PIP5K1B: variants seen among roughly 807,000 people sequenced by gnomAD.
The protein encoded by PIP5K1B is phosphatidylinositol-4-phosphate 5-kinase type 1 beta, also known as phosphatidylinositol 4-phosphate 5-kinase type-1 beta.
PIP5K1B carries 42 observed loss-of-function variants against 67.0 expected under a neutral mutation model. That is an observed-to-expected ratio of 0.63 (90% CI 0.49 to 0.81). The LOEUF is 0.81. PIP5K1B is among the 30% of genes least tolerant of loss of function. The pLI is 0.00. For synonymous variants in PIP5K1B, 214 were observed against 231.4 expected, an observed-to-expected ratio of 0.92 and a Z score of 0.68; for missense variants, 459 against 646.3, an observed-to-expected ratio of 0.71 and a Z score of 3.14.
intron 1 of PIP5K1B, among the ~76,000 whole-genome samples, chr9:68,727,097 T>C (rs1201534379): frequency 1.3e-5 from 2 of 152,158 alleles, no homozygotes; most frequent in Non-Finnish European, 2.9e-5. Flanking sequence ...CTTTAGTACT[T>C]AACGTTGCAA....
At chr9:68,795,797 A>C (rs988852914) in intron 2 of PIP5K1B, among the ~76,000 whole-genome samples, 3 of 152,214 alleles carry the variant, frequency 2.0e-5, no homozygotes, top group African/African-American at 7.2e-5. Context: ...TCATATTTTC[A>C]TAGAGAATTC....
intron 14 of PIP5K1B, among the ~76,000 whole-genome samples, chr9:68,943,574 A>G (rs981371527): frequency 6.6e-6 from 1 of 152,168 alleles, no homozygotes; most frequent in African/African-American, 2.4e-5. Flanking sequence ...CTATGTGGCA[A>G]TAAATAGACA....
chr9:68,791,982 T>C (rs1421504238), intron 2 of PIP5K1B, among the ~76,000 whole-genome samples: 1 of 152,172 alleles, frequency 6.6e-6, no homozygotes, highest in African/African-American at 2.4e-5. Context: ...ATCTTCTTCC[T>C]CCTTCCTCCA....
intron 2 of PIP5K1B, among the ~76,000 whole-genome samples, chr9:68,808,389 C>G (rs1018996544): frequency 1.3e-5 from 2 of 152,002 alleles, no homozygotes; most frequent in Admixed American, 1.3e-4. Context: ...CTAATTACTC[C>G]CCCCGACTCC....
chr9:68,952,406 C>T (rs922846681), intron 14 of PIP5K1B, among the ~76,000 whole-genome samples: 7 of 152,182 alleles, frequency 4.6e-5, no homozygotes, highest in Admixed American at 3.3e-4. Context: ...CCTCTCTGCT[C>T]CATCATTCTG....
intron 8 of PIP5K1B, among the ~76,000 whole-genome samples, chr9:68,914,696 C>T (rs185207164): frequency 6.6e-6 from 1 of 151,856 alleles, no homozygotes; most frequent in African/African-American, 2.4e-5. Context: ...GCCTGGGCAA[C>T]AGAGCAAGAC....
At chr9:68,919,429 C>A in intron 9 of PIP5K1B, 50 bp from the exon 10 acceptor site, 1 of 892,370 alleles carries the variant, frequency 1.1e-6, no homozygotes, top group Non-Finnish European at 1.7e-6. Flanking sequence ...TTTTAACTTC[C>A]TATTCTTATA....
chr9:68,737,939 C>G lies in PIP5K1B; in HGVS notation c.-242-4562C>G, dbSNP rs1006823463. The stretch of plus-strand genomic sequence containing the variant: ...ACATCAAAGCATTTGACAAATATCT[C>G]TCACCGGTCTCCTTACGCACATAAT... On this transcript the variant is annotated intron_variant, in intron 1 of 15. Transcript: ENST00000265382. Among the ~76,000 whole-genome samples the G allele has an allele frequency of 2.0e-5, 3 of 152,146 alleles. No individual in the cohort carries two copies. In the East Asian group the frequency reaches 5.8e-4, roughly 29 times the overall value.
At chr9:68,980,633 T>C (rs1187465523) in intron 14 of PIP5K1B, among the ~76,000 whole-genome samples, 1 of 152,184 alleles carries the variant, frequency 6.6e-6, no homozygotes, top group African/African-American at 2.4e-5. Context: ...TTGCTGGCCT[T>C]GTGAGATGGG....
At position 68,708,312 on chromosome 9, in the gene PIP5K1B, G is replaced by A. The variant is rs1217405138; in HGVS notation, c.-243+2550G>A. ...AATAGCTGTTGAATTAATGAAGGGG[G>A]TGAATGAAGTCATTCATAAGGAAAA... On this transcript the variant is annotated intron_variant, in intron 1 of 15. Transcript: ENST00000265382. 2.6e-5 allele frequency among the ~76,000 whole-genome samples: 4 copies of A among 152,118 alleles called. No individual in the cohort carries two copies. In the East Asian group the frequency reaches 7.7e-4, roughly 29 times the overall value.
At chr9:68,851,264 C>A (rs1284516476) in intron 4 of PIP5K1B, among the ~76,000 whole-genome samples, 1 of 152,136 alleles carries the variant, frequency 6.6e-6, no homozygotes, top group Non-Finnish European at 1.5e-5. Flanking sequence ...ATACTGGGAT[C>A]TTGTTAAAAG....
In PIP5K1B at chr9:69,004,449, C is replaced by T. The variant is rs551920919; in HGVS notation, c.1621-3998C>T. 4.2e-4 allele frequency among the ~76,000 whole-genome samples: 64 copies of T among 152,076 alleles called. No individual in the cohort carries two copies. The South Asian group carries it at 9.3e-3, about 22-fold the overall frequency. ...CTGAGCTCCTCTGCCAAAGCACCAG[C>T]ACTGAGAGGGAGGAACTTCACCACA... is the stretch of plus-strand genomic sequence containing the variant. On this transcript the variant is annotated intron_variant, in intron 15 of 15. Coordinates refer to ENST00000265382, the MANE Select transcript of PIP5K1B (RefSeq NM_003558.4).
In PIP5K1B at chr9:68,944,148, G is replaced by A. The variant is rs560743625; in HGVS notation, c.1502+3358G>A. 4.6e-5 allele frequency among the ~76,000 whole-genome samples: 7 copies of A among 152,276 alleles called. No homozygotes were observed. The East Asian group carries it at 1.4e-3, about 29-fold the overall frequency. On this transcript the variant is annotated intron_variant, in intron 14 of 15. Transcript: ENST00000265382. The stretch of plus-strand genomic sequence containing the variant: ...GTGCAGTCTTGTGTTAGAGCATGCA[G>A]ATCATAGGAATAAAGAGAAACTGTC...
At chr9:68,803,651 C>G (rs1170665496) in intron 2 of PIP5K1B, among the ~76,000 whole-genome samples, 5 of 152,240 alleles carry the variant, frequency 3.3e-5, no homozygotes, top group African/African-American at 1.2e-4. Flanking sequence ...TAACAAGTCT[C>G]TCTGGATGTA....
At chr9:68,783,652 C>T (rs534212678) in intron 2 of PIP5K1B, 12 of 167,132 alleles carry the variant, frequency 7.2e-5, no homozygotes, top group African/African-American at 2.6e-4. Flanking sequence ...CTAATCATTC[C>T]TCAAGTCTTA....
intron 12 of PIP5K1B, among the ~76,000 whole-genome samples, chr9:68,924,401 C>CA (rs71353093): frequency 0.073 from 6,321 of 86,470 alleles, 274 homozygotes; most frequent in East Asian, 0.18. Flanking sequence ...CACTGCGCCT[C>CA]AAAAAAAAAA....
intron 5 of PIP5K1B, among the ~76,000 whole-genome samples, chr9:68,868,990 A>T (rs1454217390): frequency 6.6e-6 from 1 of 152,260 alleles, no homozygotes; most frequent in Admixed American, 6.5e-5. Context: ...ATTATCCTAA[A>T]TGATAAGCAA....
In PIP5K1B at chr9:68,719,240, T is replaced by C. The variant is rs149860751; in HGVS notation, c.-243+13478T>C. ...TATTATGGTCTAAAGCAGGATTTCA[T>C]AGACTTTTTCATTTAAGTTAAACAT... On this transcript the variant is annotated intron_variant, in intron 1 of 15. Transcript: ENST00000265382. Among the ~76,000 whole-genome samples, 1,307 of 152,326 alleles carry C rather than the reference T, an allele frequency of 8.6e-3. 21 individuals carry two copies. The highest frequency in any genetic ancestry group is 0.03 in the African/African-American group (1,240 of 41,572).
chr9:68,729,546 T>A (rs1223279995), intron 1 of PIP5K1B, among the ~76,000 whole-genome samples: 1 of 152,172 alleles, frequency 6.6e-6, no homozygotes, highest in African/African-American at 2.4e-5. Context: ...AGGGAACATA[T>A]CTATATCTAT....
Sources: gnomAD v4.1 joint callset for allele counts (sites outside exome capture counted in the v4.1 genomes callset) on GRCh38, gnomAD v4.1.1 for gene constraint, MANE v1.5 for transcripts, NCBI Gene and HGNC (gene_info 2026-07-23, HGNC 2026-07-21) for gene names.